MED13L: variants seen among roughly 807,000 people sequenced by gnomAD.
MED13L encodes mediator of RNA polymerase II transcription subunit 13-like.
In MED13L, 7 loss-of-function variants were observed where a neutral mutation model predicts 220.9. That is an observed-to-expected ratio of 0.03 (90% CI 0.02 to 0.06). The LOEUF is 0.06. Ranked by LOEUF, MED13L falls within the 10% of genes least tolerant of loss-of-function variation. The pLI, the probability that MED13L is intolerant of heterozygous loss-of-function variation, is 1.00. For synonymous variants in MED13L, 1,011 were observed against 1,015.2 expected, an observed-to-expected ratio of 1.00 and a Z score of 0.08; for missense variants, 1,965 against 2,760.5, an observed-to-expected ratio of 0.71 and a Z score of 6.46.
rs1462998162 is a variant in MED13L at position 116,276,305 on chromosome 12, C to CTT, written c.72+753_72+754dup. Reference sequence around the variant, plus strand: ...TGTTATCAAACCGACCAGCTTGTTGCTTTTGTGTGTGTGTGTGTGTGTGTG... The same window carrying CTT: ...TGTTATCAAACCGACCAGCTTGTTGCTTTTTTGTGTGTGTGTGTGTGTGTGTG... On this transcript the variant is annotated intron_variant, in intron 1 of 30. Transcript: ENST00000281928. The CTT allele has an allele frequency of 5.8e-5, 18 of 311,570 alleles. 1 individual carries two copies. The highest frequency in any genetic ancestry group is 2.5e-4 in the South Asian group (7 of 28,116). 19.3% of individuals were successfully genotyped at this position (311,570 alleles called of 1,614,324 possible).
chr12:116,092,607 A>C (rs764072473), intron 4 of MED13L, among the ~76,000 whole-genome samples: 13 of 152,258 alleles, frequency 8.5e-5, no homozygotes, highest in Non-Finnish European at 1.6e-4. Context: ...CACAAAATAC[A>C]CGCTTTGCTA....
intron 2 of MED13L, among the ~76,000 whole-genome samples, chr12:116,222,841 A>G (rs1868574086): frequency 1.3e-5 from 2 of 152,240 alleles, no homozygotes; most frequent in Admixed American, 6.5e-5. Context: ...ATTTTGATAA[A>G]CAACTGGACA....
At chr12:116,241,167 C>T (rs550011483) in intron 1 of MED13L, among the ~76,000 whole-genome samples, 3 of 151,350 alleles carry the variant, frequency 2.0e-5, no homozygotes, top group South Asian at 4.2e-4. Flanking sequence ...ATTAGCGGGG[C>T]GTGGTGGTGC....
chr12:116,271,529 G>C (rs1432926202), intron 1 of MED13L, among the ~76,000 whole-genome samples: 2 of 151,914 alleles, frequency 1.3e-5, no homozygotes, highest in African/African-American at 4.8e-5. Context: ...GGGAGGCTGA[G>C]GCAGGAGAAT....
chr12:116,182,318 C>T (rs1467981030), intron 2 of MED13L, among the ~76,000 whole-genome samples: 2 of 152,198 alleles, frequency 1.3e-5, no homozygotes, highest in Non-Finnish European at 2.9e-5. Context: ...AAGCCCTTCC[C>T]TTAGCCACTC....
intron 16 of MED13L, among the ~76,000 whole-genome samples, chr12:115,995,808 G>A (rs1196459782): frequency 6.6e-6 from 1 of 152,174 alleles, no homozygotes; most frequent in African/African-American, 2.4e-5. Flanking sequence ...TTACAATAAA[G>A]TGCTGACTAT....
intron 4 of MED13L, among the ~76,000 whole-genome samples, chr12:116,038,460 A>G (rs1881318355): frequency 6.6e-6 from 1 of 152,124 alleles, no homozygotes; most frequent in South Asian, 2.1e-4. Flanking sequence ...AATGTGTCTC[A>G]TTGTACACCT....
At chr12:116,038,787 G>A (rs993988905) in intron 4 of MED13L, among the ~76,000 whole-genome samples, 3 of 135,870 alleles carry the variant, frequency 2.2e-5, no homozygotes, top group Non-Finnish European at 4.6e-5. Flanking sequence ...ACCTGCTAAC[G>A]AGTACTGGTG....
At position 116,079,563 on chromosome 12, in the gene MED13L, G is replaced by A. The variant is rs74945187; in HGVS notation, c.479+17106C>T. 1.3e-4 allele frequency among the ~76,000 whole-genome samples: 19 copies of A among 151,760 alleles called. No homozygotes were observed. The East Asian group carries it at 3.5e-3, about 28-fold the overall frequency. On this transcript the variant is annotated intron_variant, in intron 4 of 30. Transcript: ENST00000281928. ...TTATTATTATTATTTATGTTTTTGC[G>A]ACAGGGTCTCTGTCACCCAGGCTGG...
intron 3 of MED13L, among the ~76,000 whole-genome samples, chr12:116,108,219 C>T (rs1399510463): frequency 3.3e-5 from 5 of 152,048 alleles, no homozygotes; most frequent in African/African-American, 4.8e-5. Context: ...AGGAATAAGA[C>T]AGTAAATAAA....
intron 1 of MED13L, among the ~76,000 whole-genome samples, chr12:116,250,047 A>AC (rs1354202278): frequency 2.1e-4 from 32 of 149,828 alleles, no homozygotes; most frequent in African/African-American, 7.5e-4. Context: ...AAAAAAAAAA[A>AC]AACACACCAA....
At chr12:116,153,675 T>C (rs1033172916) in intron 2 of MED13L, among the ~76,000 whole-genome samples, 2 of 152,212 alleles carry the variant, frequency 1.3e-5, no homozygotes, top group Non-Finnish European at 2.9e-5. Context: ...AGACACAGAC[T>C]AGACACAAAT....
intron 1 of MED13L, among the ~76,000 whole-genome samples, chr12:116,238,057 A>C (rs1555225527): frequency 6.6e-6 from 1 of 152,276 alleles, no homozygotes; most frequent in Non-Finnish European, 1.5e-5. Flanking sequence ...AATTATATTT[A>C]GAAATCAAGT....
rs531811187 is a variant in MED13L at position 116,189,735 on chromosome 12, T to C, written c.310+47733A>G. On this transcript the variant is annotated intron_variant, in intron 2 of 30. Transcript: ENST00000281928. ...CAATAGCAATGGTTGAAAAGCTGTATGTAGTTTTTAGAGTTATAAGACCTT... is the reference window on the plus strand; with the variant it reads ...CAATAGCAATGGTTGAAAAGCTGTACGTAGTTTTTAGAGTTATAAGACCTT... Among the ~76,000 whole-genome samples the C allele has an allele frequency of 2.0e-5, 3 of 152,330 alleles. No homozygotes were observed. In the East Asian group the frequency reaches 5.8e-4, roughly 29 times the overall value.
intron 1 of MED13L, among the ~76,000 whole-genome samples, chr12:116,239,870 G>T (rs1870460631): frequency 6.6e-6 from 1 of 152,172 alleles, no homozygotes; most frequent in South Asian, 2.1e-4. Flanking sequence ...CTGCTAGGAG[G>T]AAATCAGTAT....
intron 3 of MED13L, 147 bp from the exon 4 acceptor site, chr12:116,096,899 C>G (rs1007292453): frequency 1.2e-5 from 8 of 665,194 alleles, no homozygotes; most frequent in South Asian, 8.9e-5. Flanking sequence ...AAAATTTTTA[C>G]GTTATACTTT....
chr12:115,966,671 A>C (rs1402041446), intron 28 of MED13L, among the ~76,000 whole-genome samples: 1 of 152,222 alleles, frequency 6.6e-6, no homozygotes, highest in Non-Finnish European at 1.5e-5. Context: ...TGCACAGCAC[A>C]AAAGTTCCTG....
chr12:116,253,943 TAG>T lies in MED13L; in HGVS notation c.73-16240_73-16239del, dbSNP rs766077076. ...CCAAGCTAATTTTTTGTATTTTTAG[TAG>T]AGACGGGGTTTCGCCACATTGGCCA... On this transcript the variant is annotated intron_variant, in intron 1 of 30. Coordinates refer to ENST00000281928, the MANE Select transcript of MED13L (RefSeq NM_015335.5). Among the ~76,000 whole-genome samples, 3 of 151,820 alleles carry T rather than the reference TAG, an allele frequency of 2.0e-5. No individual in the cohort carries two copies. In the East Asian group the frequency reaches 5.8e-4, roughly 29 times the overall value.
intron 3 of MED13L, among the ~76,000 whole-genome samples, chr12:116,099,028 C>T (rs1872843540): frequency 6.6e-6 from 1 of 152,150 alleles, no homozygotes; most frequent in Non-Finnish European, 1.5e-5. Context: ...AATCACTATA[C>T]CACCACTACC....
Sources: gnomAD v4.1 joint callset for allele counts (sites outside exome capture counted in the v4.1 genomes callset) on GRCh38, gnomAD v4.1.1 for gene constraint, MANE v1.5 for transcripts, NCBI Gene and HGNC (gene_info 2026-07-23, HGNC 2026-07-21) for gene names.